Variants in PER3 observed in about 807,000 individuals in gnomAD.
PER3 encodes the protein period circadian protein homolog 3.
Under a neutral mutation model 127.2 loss-of-function variants are expected in PER3, and 107 were observed. The observed-to-expected ratio is 0.84, with a 90% CI of 0.72 to 0.99. The LOEUF is 0.99. Among genes scored for constraint, PER3 ranks in the 50% least tolerant of loss-of-function variants. The pLI, the probability that PER3 is intolerant of heterozygous loss-of-function variation, is 0.00. For missense variants in PER3, 1,560 were observed against 1,525.8 expected (o/e 1.02, Z -0.37); for synonymous variants, 618 against 585.8 (o/e 1.05, Z -0.79).
At chr1:7,786,213 C>T (rs2097089818) in intron 3 of PER3, among the ~76,000 whole-genome samples, 1 of 152,170 alleles carries the variant, frequency 6.6e-6, no homozygotes, top group Admixed American at 6.5e-5. Flanking sequence ...CGAGATCACG[C>T]CACTGCACTC....
intron 19 of PER3, among the ~76,000 whole-genome samples, chr1:7,830,538 G>C (rs2097326616): frequency 6.6e-6 from 1 of 152,300 alleles, no homozygotes; most frequent in Middle Eastern, 3.4e-3. Flanking sequence ...TTTATGTATA[G>C]AATCAGACAG....
chr1:7,794,158 A>C (rs1302140090), intron 6 of PER3, 150 bp downstream of exon 6: 6 of 701,954 alleles, frequency 8.5e-6, no homozygotes, highest in Non-Finnish European at 1.5e-5. Context: ...TCGTATTTTG[A>C]TTGAGAAGAG....
chr1:7,802,557 G>T (rs2097175126), intron 8 of PER3, among the ~76,000 whole-genome samples: 1 of 152,226 alleles, frequency 6.6e-6, no homozygotes, highest in Admixed American at 6.5e-5. Context: ...GAGCCACCGT[G>T]CCTGGCCTAG....
intron 21 of PER3, among the ~76,000 whole-genome samples, chr1:7,838,774 C>G (rs2097369978): frequency 6.6e-6 from 1 of 152,202 alleles, no homozygotes; most frequent in Non-Finnish European, 1.5e-5. Context: ...CGTACCTACT[C>G]TCTTGGTTAC....
rs571377168 is a variant in PER3, at chr1:7,841,489, G to T, written c.3550-1183G>T. Among the ~76,000 whole-genome samples, 4 of 152,216 alleles carry T rather than the reference G, an allele frequency of 2.6e-5. No individual in the cohort carries two copies. The South Asian group carries it at 8.3e-4, about 32-fold the overall frequency. On this transcript the variant is annotated intron_variant, in intron 21 of 21. Coordinates refer to ENST00000377532, the MANE Select transcript of PER3 (RefSeq NM_001377275.1). ...ACGTGCCTTGTCCAAGGTCAGGGATGGGTAGTTGCTGCTGTGCTTCAAGCT... is the reference window on the plus strand; with the variant it reads ...ACGTGCCTTGTCCAAGGTCAGGGATTGGTAGTTGCTGCTGTGCTTCAAGCT...
chr1:7,826,852 T>A lies in PER3; in HGVS notation c.2188+142T>A. On this transcript the variant is annotated intron_variant, in intron 17 of 21. Transcript: ENST00000377532. The surrounding 1 kb of genome is among the most constrained non-coding windows in gnomAD (Gnocchi z 4.2). ...GAGATGCTGAAACAATCTATTTACA[T>A]CAACAGTTTATGTAAGTTCTTTGTT... is the stretch of plus-strand genomic sequence containing the variant. The A allele has an allele frequency of 4.7e-6, 3 of 644,092 alleles. No homozygotes were observed. The highest frequency in any genetic ancestry group is 8.1e-6 in the Non-Finnish European group (3 of 371,806). The allele number at this position is 644,092 out of a possible 1,614,324, so 39.9% of individuals were successfully genotyped here. A position where few individuals can be genotyped will look rare whatever the true frequency, so the allele number is the denominator to read the frequency against.
intron 11 of PER3, 82 bp downstream of exon 11, chr1:7,809,080 A>C: frequency 1.4e-6 from 1 of 699,810 alleles, no homozygotes; most frequent in East Asian, 2.7e-5. Flanking sequence ...CACAAAAATA[A>C]ACTGTAAAGG....
chr1:7,809,033 G>A (rs758984122), intron 11 of PER3, 35 bp downstream of exon 11: 1 of 1,042,242 alleles, frequency 9.6e-7, no homozygotes, highest in Non-Finnish European at 1.5e-6. Flanking sequence ...AAAGTTCCCT[G>A]AATTGTGTTT....
intron 10 of PER3, among the ~76,000 whole-genome samples, chr1:7,804,980 T>G (rs1306671380): frequency 6.6e-6 from 1 of 151,902 alleles, no homozygotes; most frequent in Non-Finnish European, 1.5e-5. Flanking sequence ...ACGTTTCTCC[T>G]GCCTCAGCCT....
chr1:7,800,827 CAA>C (rs35065134), intron 7 of PER3, among the ~76,000 whole-genome samples: 10 of 100,678 alleles, frequency 9.9e-5, no homozygotes, highest in Admixed American at 9.7e-5. Flanking sequence ...ACTCTGTCTC[CAA>C]AAAAAAAAAA....
intron 5 of PER3, among the ~76,000 whole-genome samples, chr1:7,793,532 T>C (rs916417): frequency 0.055 from 8,362 of 152,186 alleles, 644 homozygotes; most frequent in East Asian, 0.27. Flanking sequence ...AAAAAGAAAA[T>C]TATATATCGT....
chr1:7,810,702 T>C (rs1271009163), intron 13 of PER3, 114 bp downstream of exon 13: 2 of 993,158 alleles, frequency 2.0e-6, no homozygotes, highest in Non-Finnish European at 2.9e-6. Context: ...CTGCTTTTCA[T>C]ATTTCTTGAT....
At chr1:7,796,317 TCC>T (rs2097145072) in intron 6 of PER3, among the ~76,000 whole-genome samples, 1 of 109,732 alleles carries the variant, frequency 9.1e-6, no homozygotes, top group Non-Finnish European at 1.9e-5. Flanking sequence ...CATTTCAGTT[TCC>T]TTTTTTTTTT....
At position 7,784,917 on chromosome 1, in the gene PER3, G is replaced by C. The variant is rs748881040; in HGVS notation, c.40G>C (p.Ala14Pro). 6.5e-7 allele frequency: 1 copy of C among 1,529,636 alleles called. No individual in the cohort carries two copies. The highest frequency in any genetic ancestry group is 1.5e-5 in the African/African-American group (1 of 68,526). The allele number at this position is 1,529,636 out of a possible 1,614,324, so 94.8% of individuals were successfully genotyped here. A position where few individuals can be genotyped will look rare whatever the true frequency, so the allele number is the denominator to read the frequency against. ...AGCTCCTGGCCCCGGGAGACGGGGG[G>C]CTAAGGACGAGGCCCTGGGCGAAGA... Reference protein sequence around the residue: ...GEAPGPGRRGAKDEALGEESG... With the variant: ...GEAPGPGRRGPKDEALGEESG... Residue 14 changes from alanine to proline, a missense_variant, in exon 2 of 22, where the codon GCT (alanine) becomes CCT (proline). Ala to Pro is a conservative substitution (Grantham distance 27). This residue lies in a region of PER3 where 1,332 missense variants were observed against 1,223.6 expected (regional missense o/e 1.09). Transcript: ENST00000377532.
chr1:7,807,061 T>C (rs991813632), intron 10 of PER3, among the ~76,000 whole-genome samples: 1 of 151,984 alleles, frequency 6.6e-6, no homozygotes. Context: ...TTAGCAAATA[T>C]GTAGTGGGTG....
chr1:7,785,706 T>TTAC, intron 3 of PER3, 120 bp downstream of exon 3: 2 of 772,958 alleles, frequency 2.6e-6, no homozygotes, highest in Non-Finnish European at 4.2e-6. Flanking sequence ...TGGTGCTTTG[T>TTAC]GGAAGATGAG....
chr1:7,785,711 G>A (rs918642073), intron 3 of PER3, 125 bp downstream of exon 3: 2 of 725,996 alleles, frequency 2.8e-6, no homozygotes, highest in African/African-American at 1.8e-5. Context: ...CTTTGTGGAA[G>A]ATGAGCAAAT....
chr1:7,785,050 C>T lies in PER3; in HGVS notation c.128+45C>T, dbSNP rs534002213. On this transcript the variant is annotated intron_variant, in intron 2 of 21. Transcript: ENST00000377532. ...CCGAGGGCCCCATGCGTTCGTTGTC[C>T]TTCCCTGGAGCAGGGAAAGGGGGAC... 24 of 1,553,872 alleles carry T rather than the reference C, an allele frequency of 1.5e-5. 1 individual carries two copies. In the Admixed American group the frequency reaches 5.4e-4, roughly 35 times the overall value.
chr1:7,838,296 C>T (rs2097367780), intron 21 of PER3, among the ~76,000 whole-genome samples: 1 of 152,184 alleles, frequency 6.6e-6, no homozygotes, highest in Non-Finnish European at 1.5e-5. Flanking sequence ...ACCATCACCA[C>T]CATCCATCTC....
Sources: gnomAD v4.1 joint callset for allele counts (sites outside exome capture counted in the v4.1 genomes callset) on GRCh38, gnomAD v4.1.1 for gene constraint, gnomAD v4.1.1 regional missense constraint, Gnocchi (gnomAD v3.1) non-coding constraint, MANE v1.5 for transcripts, NCBI Gene and HGNC (gene_info 2026-07-23, HGNC 2026-07-21) for gene names.